Variants in PANK1 observed in about 807,000 individuals in gnomAD.
The protein encoded by PANK1 is pantothenic acid kinase 1.
A neutral mutation model predicts 40.1 loss-of-function variants in PANK1; 18 were observed. That is an observed-to-expected ratio of 0.45 (90% CI 0.31 to 0.67). The LOEUF is 0.67. Among genes scored for constraint, PANK1 ranks in the 30% least tolerant of loss-of-function variants. The pLI is 0.06. For synonymous variants in PANK1, 242 were observed against 237.7 expected, an observed-to-expected ratio of 1.02 and a Z score of -0.17; for missense variants, 457 against 599.6, an observed-to-expected ratio of 0.76 and a Z score of 2.48.
chr10:89,624,530 C>T (rs1395337020), intron 1 of PANK1, among the ~76,000 whole-genome samples: 1 of 152,184 alleles, frequency 6.6e-6, no homozygotes, highest in Non-Finnish European at 1.5e-5. Context: ...ACCATACCAC[C>T]ATCCACTTTG....
chr10:89,592,082 T>C (rs1481272135), intron 5 of PANK1, among the ~76,000 whole-genome samples: 4 of 152,234 alleles, frequency 2.6e-5, no homozygotes, highest in Non-Finnish European at 4.4e-5. Context: ...TTGAGTCCCA[T>C]GACTCAAGTG....
intron 2 of PANK1, among the ~76,000 whole-genome samples, chr10:89,605,063 T>TAAAA (rs760265414): frequency 3.8e-5 from 5 of 133,210 alleles, no homozygotes; most frequent in Admixed American, 3.0e-4. Context: ...GCATTATGTC[T>TAAAA]AAAAAAAAAA....
At chr10:89,604,659 A>G (rs1228839748) in intron 2 of PANK1, among the ~76,000 whole-genome samples, 2 of 136,926 alleles carry the variant, frequency 1.5e-5, no homozygotes, top group Non-Finnish European at 3.0e-5. Context: ...GCATCACTGC[A>G]CTCCAGCCTG....
At chr10:89,628,640 T>C (rs1841544130) in intron 1 of PANK1, among the ~76,000 whole-genome samples, 1 of 152,242 alleles carries the variant, frequency 6.6e-6, no homozygotes, top group Non-Finnish European at 1.5e-5. Flanking sequence ...TAGAATTGCA[T>C]ACTCTAAATG....
chr10:89,644,856 G>A lies in PANK1; in HGVS notation c.36C>T (p.Val12=), dbSNP rs910958255. 1.3e-5 allele frequency: 19 copies of A among 1,475,118 alleles called. No individual in the cohort carries two copies. The highest frequency in any genetic ancestry group is 1.6e-5 in the Non-Finnish European group (18 of 1,119,456). 91.4% of individuals were successfully genotyped at this position (1,475,118 alleles called of 1,614,324 possible). A position where few individuals can be genotyped will look rare whatever the true frequency, so the allele number is the denominator to read the frequency against. ...CCACGGGGGCCCCTGGAGAGTGCGG[G>A]ACCGAGCGCTCCTGCTGCCCGCTGC... The part of the protein sequence containing the change: ...GDRSGQQERS[V]PHSPGAPVGT... Residue 12 remains valine, a synonymous_variant, in exon 1 of 7, where the codon GTC becomes GTT. Transcript: ENST00000307534.
intron 1 of PANK1, among the ~76,000 whole-genome samples, chr10:89,636,210 T>C (rs996915273): frequency 1.4e-4 from 22 of 152,170 alleles, no homozygotes; most frequent in Non-Finnish European, 2.4e-4. Context: ...ACTGCCCTAG[T>C]AAGGGCCCTC....
At chr10:89,589,464 C>T (rs139228893) in intron 5 of PANK1, among the ~76,000 whole-genome samples, 129 of 152,232 alleles carry the variant, frequency 8.5e-4, no homozygotes, top group African/African-American at 2.9e-3. Flanking sequence ...CCAGTGCACT[C>T]GTTATACTTC....
intron 3 of PANK1, among the ~76,000 whole-genome samples, chr10:89,598,200 C>T (rs1844668263): frequency 6.6e-6 from 1 of 152,200 alleles, no homozygotes; most frequent in South Asian, 2.1e-4. Flanking sequence ...TTAAATCTTC[C>T]CCTCTTCAGT....
At chr10:89,613,590 C>T (rs1450343784) in intron 1 of PANK1, among the ~76,000 whole-genome samples, 1 of 152,200 alleles carries the variant, frequency 6.6e-6, no homozygotes, top group Non-Finnish European at 1.5e-5. Flanking sequence ...AAATAAAATT[C>T]CAGGCCCTCA....
chr10:89,600,638 T>G (rs116679752), intron 2 of PANK1, among the ~76,000 whole-genome samples: 1 of 152,174 alleles, frequency 6.6e-6, no homozygotes, highest in South Asian at 2.1e-4. Context: ...GAGACAAAAA[T>G]GTACAGGGGC....
chr10:89,632,267 C>T (rs930122075), intron 1 of PANK1, among the ~76,000 whole-genome samples: 2 of 152,142 alleles, frequency 1.3e-5, no homozygotes, highest in Non-Finnish European at 2.9e-5. Flanking sequence ...AACCATGAGT[C>T]TGAATTTGGG....
chr10:89,601,775 T>G (rs1190358258), intron 2 of PANK1, among the ~76,000 whole-genome samples: 2 of 152,196 alleles, frequency 1.3e-5, no homozygotes, highest in Non-Finnish European at 2.9e-5. Context: ...AACTTCTGTA[T>G]GAGATGTATG....
intron 1 of PANK1, among the ~76,000 whole-genome samples, chr10:89,616,677 C>T (rs1845329436): frequency 6.6e-6 from 1 of 152,042 alleles, no homozygotes; most frequent in African/African-American, 2.4e-5. Flanking sequence ...AATCCCAGCA[C>T]TTTGGGAGGC....
intron 1 of PANK1, among the ~76,000 whole-genome samples, chr10:89,631,632 G>C (rs569554275): frequency 6.6e-6 from 1 of 152,176 alleles, no homozygotes; most frequent in Non-Finnish European, 1.5e-5. Context: ...AAATTATGTA[G>C]GAGATACTAA....
intron 1 of PANK1, among the ~76,000 whole-genome samples, chr10:89,636,672 C>A (rs1389442704): frequency 6.6e-6 from 1 of 151,400 alleles, no homozygotes; most frequent in Non-Finnish European, 1.5e-5. Flanking sequence ...AGGATGGTCT[C>A]GATCTCCTGA....
In PANK1 at chr10:89,593,185, G is replaced by A. The variant is rs1564618236; in HGVS notation, c.1200+12C>T. On this transcript the variant is annotated intron_variant, in intron 5 of 6. Transcript: ENST00000307534. The stretch of plus-strand genomic sequence containing the variant: ...TGACACACAGCTTTCACCGGGTTGA[G>A]TAAGGCCTTACCTCATTCAACGCGC... The A allele has an allele frequency of 6.2e-7, 1 of 1,613,178 alleles. No homozygotes were observed. Among genetic ancestry groups the A allele is most frequent in the Non-Finnish European group, 8.5e-7 (1 of 1,179,338 alleles).
At chr10:89,618,489 A>T (rs976560412) in intron 1 of PANK1, among the ~76,000 whole-genome samples, 1 of 152,224 alleles carries the variant, frequency 6.6e-6, no homozygotes, top group Non-Finnish European at 1.5e-5. Context: ...ACTTTGGGGC[A>T]GTCTCCTTTG....
At chr10:89,587,218 C>G (rs1409882093) in intron 6 of PANK1, among the ~76,000 whole-genome samples, 1 of 152,126 alleles carries the variant, frequency 6.6e-6, no homozygotes, top group Admixed American at 6.6e-5. Flanking sequence ...GTACACTGAC[C>G]TCTCAAGGCC....
intron 1 of PANK1, among the ~76,000 whole-genome samples, chr10:89,628,596 T>C (rs926997073): frequency 6.6e-6 from 1 of 152,236 alleles, no homozygotes; most frequent in Non-Finnish European, 1.5e-5. Context: ...TTAATTGTGA[T>C]AGTTGTACAA....
Sources: allele counts gnomAD v4.1 joint callset (sites outside exome capture counted in the v4.1 genomes callset), GRCh38; gene constraint gnomAD v4.1.1; transcripts MANE v1.5; gene names NCBI Gene and HGNC (gene_info 2026-07-23, HGNC 2026-07-21).